HEATR1: variants seen among roughly 807,000 people sequenced by gnomAD.
HEATR1 encodes HEAT repeat containing 1.
In HEATR1, 77 loss-of-function variants were observed where a neutral mutation model predicts 248.2. The ratio of observed to expected loss-of-function variants is 0.31; its 90% CI spans 0.26 to 0.37. The LOEUF (loss-of-function observed/expected upper bound fraction) is 0.37, where lower values mean the gene tolerates loss of function less well. HEATR1 is among the 10% of genes least tolerant of loss of function. The probability of loss-of-function intolerance (pLI) is 1.00; values close to 1 mark genes in which losing one functional copy is unlikely to be tolerated. For missense variants in HEATR1, 2,420 were observed against 2,504.9 expected (o/e 0.97, Z 0.72); for synonymous variants, 897 against 923.1 (o/e 0.97, Z 0.51).
chr1:236,603,839 G>T lies in HEATR1; in HGVS notation c.142+115C>A, dbSNP rs1241045272. 4.4e-6 allele frequency: 5 copies of T among 1,133,916 alleles called. No homozygotes were observed. In the East Asian group the frequency reaches 7.8e-5, roughly 18 times the overall value. 70.2% of individuals were successfully genotyped at this position (1,133,916 alleles called of 1,614,324 possible). A position where few individuals can be genotyped will look rare whatever the true frequency, so the allele number is the denominator to read the frequency against. ...CTTAAAAATATACATCAACATGCTA[G>T]AAACTGCTAAGGAAGAGGACGGGAC... On this transcript the variant is annotated intron_variant, in intron 2 of 44. Coordinates refer to ENST00000366582, the MANE Select transcript of HEATR1 (RefSeq NM_018072.6).
chr1:236,575,241 G>A (rs1663534743), intron 22 of HEATR1, among the ~76,000 whole-genome samples: 2 of 152,294 alleles, frequency 1.3e-5, no homozygotes, highest in South Asian at 2.1e-4. Context: ...CACTGTATGT[G>A]TCCTTCAATG....
chr1:236,603,840 A>C, intron 2 of HEATR1, 114 bp downstream of exon 2: 1 of 1,143,848 alleles, frequency 8.7e-7, no homozygotes, highest in Non-Finnish European at 1.2e-6. Flanking sequence ...AACATGCTAG[A>C]AACTGCTAAG....
intron 30 of HEATR1, 111 bp downstream of exon 30, chr1:236,566,535 T>C (rs951396758): frequency 1.2e-6 from 1 of 806,736 alleles, no homozygotes; most frequent in Admixed American, 2.8e-5. Flanking sequence ...AGCAAAAAGG[T>C]TCTAAATAAC....
intron 17 of HEATR1, among the ~76,000 whole-genome samples, chr1:236,584,240 A>G (rs1488529910): frequency 6.6e-6 from 1 of 152,222 alleles, no homozygotes; most frequent in East Asian, 1.9e-4. Flanking sequence ...AACACTGAGA[A>G]CCAGTATAGT....
chr1:236,566,073 ATCTGTAC>A (rs1414746762), intron 30 of HEATR1, 28 bp from the exon 31 acceptor site: 2 of 1,604,906 alleles, frequency 1.2e-6, no homozygotes, highest in Non-Finnish European at 1.7e-6. Context: ...AAGGTAACAA[ATCTGTAC>A]TTAGGAATTG....
Position 236,576,885 on chromosome 1 carries a change from C to A in HEATR1, c.2820G>T (p.Gln940His), listed in dbSNP as rs766233566. The A allele has an allele frequency of 1.9e-6, 3 of 1,613,894 alleles. No individual in the cohort carries two copies. Among genetic ancestry groups the A allele is most frequent in the South Asian group, 1.1e-5 (1 of 91,024 alleles). The change falls in exon 21 of 45, where the codon CAG becomes CAT. Residue 940 changes from glutamine to histidine, a missense_variant. Gln to His is a conservative substitution (Grantham distance 24). Transcript: ENST00000366582. ...PVKEVRRAAI[Q>H]CLQALSGVAS... ...CCACTCCACTGAGGGCCTGGAGACACTGAATGGCAGCCCTACGAACTTCTT... is the reference window on the plus strand; with the variant it reads ...CCACTCCACTGAGGGCCTGGAGACAATGAATGGCAGCCCTACGAACTTCTT...
At chr1:236,589,764 C>T (rs559083721) in intron 12 of HEATR1, among the ~76,000 whole-genome samples, 23 of 152,284 alleles carry the variant, frequency 1.5e-4, no homozygotes, top group Admixed American at 5.9e-4. Flanking sequence ...ATGCAAATCA[C>T]GGTGCATAAT....
chr1:236,589,300 C>T (rs561377706), intron 12 of HEATR1, among the ~76,000 whole-genome samples: 4 of 152,230 alleles, frequency 2.6e-5, no homozygotes, highest in East Asian at 1.9e-4. Context: ...TTTAACATAT[C>T]GACAAAATAA....
chr1:236,551,859 A>G, intron 44 of HEATR1, 140 bp downstream of exon 44: 1 of 614,748 alleles, frequency 1.6e-6, no homozygotes. Context: ...TGTATTTGAG[A>G]CTGGAGCTGC....
At position 236,581,277 on chromosome 1, in the gene HEATR1, C is replaced by T. The variant is rs1428266533; in HGVS notation, c.2700G>A (p.Met900Ile). The stretch of plus-strand genomic sequence containing the variant: ...TACACTGTGTCTTCTGAGAAGAAAG[C>T]ATTGCACAGCCCACATAAAGAGCTT... ...QTQALYVGCA[M>I]LSSQKTQCKH... The change falls in exon 20 of 45, where the codon ATG (methionine) becomes ATA (isoleucine). Residue 900 changes from methionine to isoleucine, a missense_variant. Physicochemically the swap from Met to Ile is conservative, Grantham distance 10 (BLOSUM62 1). Transcript: ENST00000366582. The T allele has an allele frequency of 6.2e-7, 1 of 1,613,714 alleles. No homozygotes were observed. The highest frequency in any genetic ancestry group is 1.6e-4 in the Middle Eastern group (1 of 6,062).
rs1420161475 is a variant in HEATR1 at position 236,599,560 on chromosome 1, T to C, written c.424A>G (p.Arg142Gly). 6.2e-7 allele frequency: 1 copy of C among 1,613,740 alleles called. No individual in the cohort carries two copies. Among genetic ancestry groups the C allele is most frequent in the Admixed American group, 1.7e-5 (1 of 60,018 alleles). Residue 142 changes from arginine (R) to glycine (G), a missense_variant, in exon 4 of 45, where the codon AGA becomes GGA. By Grantham distance (125) the Arg-to-Gly change is moderately radical (BLOSUM62 -2). Coordinates refer to ENST00000366582, the MANE Select transcript of HEATR1 (RefSeq NM_018072.6). ...AGCTGTATGACTCGCACAAATATTC[T>C]TGTCTCGTGGTATGGCAGAACACAA... ...IACVLPYHET[R>G]IFVRVIQLLK...
intron 22 of HEATR1, 76 bp from the exon 23 acceptor site, chr1:236,574,979 A>C: frequency 1.4e-6 from 2 of 1,394,902 alleles, no homozygotes; most frequent in Non-Finnish European, 1.9e-6. Flanking sequence ...AGACACTCAA[A>C]GCCTGCTGGA....
At chr1:236,564,307 AC>A (rs545462231) in intron 32 of HEATR1, among the ~76,000 whole-genome samples, 190 bp downstream of exon 32, 42 of 152,316 alleles carry the variant, frequency 2.8e-4, no homozygotes, top group African/African-American at 9.6e-4. Context: ...CACAGAGTTT[AC>A]ATTATGTTCC....
intron 20 of HEATR1, among the ~76,000 whole-genome samples, chr1:236,579,183 T>C (rs948818144): frequency 6.6e-6 from 1 of 152,158 alleles, no homozygotes; most frequent in African/African-American, 2.4e-5. Flanking sequence ...CCTGACCTCA[T>C]GTGACGGGCT....
In HEATR1 at chr1:236,588,048, G is replaced by C; in HGVS notation, c.1531-5C>G. 1 of 1,600,956 alleles carries C rather than the reference G, an allele frequency of 6.2e-7. No individual in the cohort carries two copies. The highest frequency in any genetic ancestry group is 1.7e-4 in the Middle Eastern group (1 of 5,990). Reference sequence around the variant, plus strand: ...GAAAGATTCATCAACACCCTCCTGAGCAATAAAAGAAAAACATTAATTTAG... The same window carrying C: ...GAAAGATTCATCAACACCCTCCTGACCAATAAAAGAAAAACATTAATTTAG... On this transcript the variant is annotated splice_polypyrimidine_tract_variant and splice_region_variant and intron_variant, in intron 12 of 44. Transcript: ENST00000366582.
chr1:236,582,573 T>C (rs575529671), intron 19 of HEATR1, among the ~76,000 whole-genome samples, 163 bp downstream of exon 19: 64 of 152,138 alleles, frequency 4.2e-4, no homozygotes, highest in Non-Finnish European at 7.6e-4. Context: ...TGGCTAATTT[T>C]TGTATTTTTA....
rs760193673 is a variant in HEATR1, at chr1:236,581,244, T to C, written c.2733A>G (p.Gln911=). The C allele has an allele frequency of 3.1e-6, 5 of 1,613,326 alleles. No homozygotes were observed. The highest frequency in any genetic ancestry group is 2.2e-5 in the South Asian group (2 of 90,970). ...TACCTGGAGAAGATATGGATGCCAG[T>C]TGGTGTTTACACTGTGTCTTCTGAG... The part of the protein sequence containing the change: ...LSSQKTQCKH[Q]LASISSPVVT... Residue 911 remains glutamine (Q), a synonymous_variant, in exon 20 of 45, where the codon CAA becomes CAG. Transcript: ENST00000366582.
Position 236,572,791 on chromosome 1 carries a change from T to C in HEATR1, c.3497A>G (p.Glu1166Gly). 2 of 1,614,040 alleles carry C rather than the reference T, an allele frequency of 1.2e-6. No homozygotes were observed. Among genetic ancestry groups the C allele is most frequent in the Non-Finnish European group, 1.7e-6 (2 of 1,179,874 alleles). The change falls in exon 25 of 45, where the codon GAG (glutamate) becomes GGG (glycine). Residue 1166 changes from glutamate to glycine, a missense_variant. Physicochemically the swap from Glu to Gly is moderately conservative, Grantham distance 98. Transcript: ENST00000366582. ...CAAGGGTTTAGCTTTATCTGGTGGC[T>C]CCAGTTCTATTCGGACTTGTTCAGC... ...VNAEQVRIEL[E>G]PPDKAKPLGT...
At chr1:236,593,726 C>T (rs1664103774) in intron 9 of HEATR1, among the ~76,000 whole-genome samples, 1 of 151,620 alleles carries the variant, frequency 6.6e-6, no homozygotes, top group Non-Finnish European at 1.5e-5. Flanking sequence ...GGTCCATTTA[C>T]TAAGAGAAAA....
Sources: allele counts gnomAD v4.1 joint callset (sites outside exome capture counted in the v4.1 genomes callset), GRCh38; gene constraint gnomAD v4.1.1; transcripts MANE v1.5; gene names NCBI Gene and HGNC (gene_info 2026-07-23, HGNC 2026-07-21).